The following MORN3 variants were observed in gnomAD, a reference collection of about 807,000 sequenced individuals.
The protein encoded by MORN3 is MORN repeat-containing protein 3.
Under a neutral mutation model 34.7 loss-of-function variants are expected in MORN3, and 38 were observed. That is an observed-to-expected ratio of 1.10 (90% confidence interval 0.85 to 1.44). The LOEUF (loss-of-function observed/expected upper bound fraction) is 1.44. MORN3 is among the 40% of genes most tolerant of loss of function. MORN3 has a pLI of 0.00. For synonymous variants in MORN3, 109 were observed against 115.3 expected, an observed-to-expected ratio of 0.95 and a Z score of 0.35; for missense variants, 311 against 321.7, an observed-to-expected ratio of 0.97 and a Z score of 0.25.
At position 121,651,290 on chromosome 12, in the gene MORN3, C is replaced by A. The variant is rs1893246430; in HGVS notation, c.*361G>T. The A allele has an allele frequency of 6.6e-6, 1 of 152,220 alleles. No individual in the cohort carries two copies. The highest frequency in any genetic ancestry group is 1.9e-4 in the East Asian group (1 of 5,186). 9.4% of individuals were successfully genotyped at this position (152,220 alleles called of 1,614,324 possible). A position where few individuals can be genotyped will look rare whatever the true frequency, so the allele number is the denominator to read the frequency against. On this transcript the variant is annotated 3_prime_UTR_variant, in exon 6 of 6. Transcript: ENST00000355329. The stretch of plus-strand genomic sequence containing the variant: ...CCTGCCCTTACTCCCCCAAGCTAAA[C>A]CCAGGCAGCCCAGCCAAGGCAGGTC...
chr12:121,656,894 C>G (rs188596983), intron 2 of MORN3, among the ~76,000 whole-genome samples: 13 of 152,276 alleles, frequency 8.5e-5, no homozygotes, highest in Admixed American at 5.2e-4. Context: ...CCTCCTAATA[C>G]CATATTCTAC....
At chr12:121,656,261 C>T (rs1331929648) in intron 2 of MORN3, among the ~76,000 whole-genome samples, 1 of 152,056 alleles carries the variant, frequency 6.6e-6, no homozygotes, top group Non-Finnish European at 1.5e-5. Context: ...CCATCTTTCT[C>T]CCTTTTTTTT....
upstream of MORN3, among the ~76,000 whole-genome samples, chr12:121,671,197 G>A (rs897817144): frequency 4.7e-5 from 7 of 150,360 alleles, no homozygotes; most frequent in African/African-American, 1.7e-4. Flanking sequence ...CACGAGGTCA[G>A]GAGATTGAGA....
At chr12:121,654,465 GC>G (rs1279495366) in intron 2 of MORN3, 32 bp from the exon 3 acceptor site, 6 of 1,538,760 alleles carry the variant, frequency 3.9e-6, no homozygotes, top group East Asian at 2.4e-5. Flanking sequence ...TACTCAGGGC[GC>G]CCCCCAACAC....
At chr12:121,671,760 A>T (rs1293975895), upstream of MORN3, among the ~76,000 whole-genome samples, 1 of 150,654 alleles carries the variant, frequency 6.6e-6, no homozygotes, top group African/African-American at 2.4e-5. Flanking sequence ...GACGCCTGTA[A>T]TCCCAGCTAC....
At chr12:121,658,147 C>T (rs1453110694) in intron 2 of MORN3, among the ~76,000 whole-genome samples, 2 of 152,108 alleles carry the variant, frequency 1.3e-5, no homozygotes, top group Non-Finnish European at 2.9e-5. Flanking sequence ...GGCCAGGCAC[C>T]GGCAAGGTGA....
chr12:121,654,528 G>C, intron 2 of MORN3, 95 bp from the exon 3 acceptor site: 1 of 1,335,886 alleles, frequency 7.5e-7, no homozygotes, highest in South Asian at 1.5e-5. Flanking sequence ...ACACACCCCA[G>C]CTTCTTCCTT....
intron 1 of MORN3, among the ~76,000 whole-genome samples, chr12:121,665,709 G>T (rs1023715976): frequency 5.0e-5 from 7 of 140,550 alleles, no homozygotes; most frequent in African/African-American, 1.9e-4. Context: ...AAGTTGCAGT[G>T]AGCCGAGATC....
chr12:121,652,593 G>T, intron 5 of MORN3, 135 bp downstream of exon 5: 1 of 718,506 alleles, frequency 1.4e-6, no homozygotes, highest in Non-Finnish European at 2.4e-6. Flanking sequence ...GAGGCAAGAA[G>T]CCTGCCCTCG....
intron 1 of MORN3, among the ~76,000 whole-genome samples, chr12:121,661,117 G>T (rs972519272): frequency 2.6e-5 from 4 of 151,886 alleles, no homozygotes; most frequent in Non-Finnish European, 5.9e-5. Flanking sequence ...CACTACACCT[G>T]GCTAATTTTT....
rs1893884577 is a variant in MORN3, at chr12:121,669,543, A to AGC, written c.-62_-61dup. 6.3e-7 allele frequency: 1 copy of AGC among 1,599,242 alleles called. No homozygotes were observed. Among genetic ancestry groups the AGC allele is most frequent in the Admixed American group, 1.7e-5 (1 of 59,616 alleles). On this transcript the variant is annotated 5_prime_UTR_variant, in exon 1 of 6. Coordinates refer to ENST00000355329, the MANE Select transcript of MORN3 (RefSeq NM_173855.5). ...AAGGGGTTAGGGACATCTGGGGCTC[A>AGC]GCGCGCCCCGTGTAATGCCGGGATC...
At chr12:121,654,461 G>A (rs1893357777) in intron 2 of MORN3, 28 bp from the exon 3 acceptor site, 2 of 1,547,412 alleles carry the variant, frequency 1.3e-6, no homozygotes, top group East Asian at 4.7e-5. Flanking sequence ...CTACTACTCA[G>A]GGCGCCCCCC....
At chr12:121,665,552 G>T (rs1156962973) in intron 1 of MORN3, among the ~76,000 whole-genome samples, 2 of 151,252 alleles carry the variant, frequency 1.3e-5, no homozygotes, top group African/African-American at 2.4e-5. Flanking sequence ...CGGATCACGA[G>T]GTCAGGAGTT....
chr12:121,655,769 G>A (rs1200544916), intron 2 of MORN3, among the ~76,000 whole-genome samples: 2 of 151,654 alleles, frequency 1.3e-5, no homozygotes, highest in Non-Finnish European at 2.9e-5. Flanking sequence ...TGTGGCTCAC[G>A]CTTGTAATCC....
In MORN3 at chr12:121,655,083, G is replaced by A. The variant is rs187862339; in HGVS notation, c.304-650C>T. Among the ~76,000 whole-genome samples the A allele has an allele frequency of 9.4e-4, 143 of 152,076 alleles. 1 individual carries two copies. The East Asian group carries it at 0.024, about 26-fold the overall frequency. On this transcript the variant is annotated intron_variant, in intron 2 of 5. Coordinates refer to ENST00000355329, the MANE Select transcript of MORN3 (RefSeq NM_173855.5). ...TTTAAATCGCCCATCTAGGCTGGGC[G>A]CTGTGGCTCACCGGCTCACTTTAGG...
chr12:121,665,904 G>A (rs1207688256), intron 1 of MORN3, among the ~76,000 whole-genome samples: 3 of 151,952 alleles, frequency 2.0e-5, no homozygotes, highest in East Asian at 3.9e-4. Context: ...GCTGGTTGTC[G>A]GAACACTGAA....
At chr12:121,671,405 C>CAAA (rs58115284), upstream of MORN3, among the ~76,000 whole-genome samples, 14 of 126,228 alleles carry the variant, frequency 1.1e-4, no homozygotes, top group East Asian at 1.8e-3. Context: ...GACTCCATCT[C>CAAA]AAAAAAAAAA....
chr12:121,652,185 C>T (rs1266471532), intron 5 of MORN3, among the ~76,000 whole-genome samples: 2 of 151,974 alleles, frequency 1.3e-5, no homozygotes, highest in Non-Finnish European at 2.9e-5. Flanking sequence ...CCACCCACCT[C>T]GGCCTCCCAA....
intron 2 of MORN3, among the ~76,000 whole-genome samples, chr12:121,654,930 TTC>T (rs1462590289): frequency 6.6e-6 from 1 of 151,976 alleles, no homozygotes; most frequent in Non-Finnish European, 1.5e-5. Context: ...CATGCTCTGT[TTC>T]TCTCTGTCCC....
Sources: allele counts gnomAD v4.1 joint callset (sites outside exome capture counted in the v4.1 genomes callset), GRCh38; gene constraint gnomAD v4.1.1; transcripts MANE v1.5; gene names NCBI Gene and HGNC (gene_info 2026-07-23, HGNC 2026-07-21).